Variants in RTTN observed in about 807,000 individuals in gnomAD.
RTTN encodes rotatin.
Under a neutral mutation model 269.2 loss-of-function variants are expected in RTTN, and 182 were observed. That is an observed-to-expected ratio of 0.68 (90% confidence interval 0.60 to 0.76). The LOEUF is 0.76. Among genes scored for constraint, RTTN ranks in the 30% least tolerant of loss-of-function variants. The pLI is 0.00. For synonymous variants in RTTN, 1,006 were observed against 963.5 expected (o/e 1.04, Z -0.82); for missense variants, 2,545 against 2,608.6 (o/e 0.98, Z 0.53).
chr18:70,035,304 T>C (rs1295475192), intron 40 of RTTN, among the ~76,000 whole-genome samples: 6 of 152,184 alleles, frequency 3.9e-5, no homozygotes, highest in Non-Finnish European at 7.3e-5. Flanking sequence ...GCTACTTGAC[T>C]TCAAACTATA....
At chr18:70,079,722 T>C (rs1052396682) in intron 32 of RTTN, among the ~76,000 whole-genome samples, 2 of 152,092 alleles carry the variant, frequency 1.3e-5, no homozygotes, top group African/African-American at 4.8e-5. Context: ...CAGAATGCCA[T>C]TACAAATACA....
At chr18:70,033,061 A>AT (rs1177077559) in intron 40 of RTTN, among the ~76,000 whole-genome samples, 1 of 152,228 alleles carries the variant, frequency 6.6e-6, no homozygotes, top group Non-Finnish European at 1.5e-5. Context: ...TAGATCCTTC[A>AT]TGAATGGTTT....
At chr18:70,035,426 C>T (rs1599201847) in intron 40 of RTTN, among the ~76,000 whole-genome samples, 1 of 152,104 alleles carries the variant, frequency 6.6e-6, no homozygotes, top group African/African-American at 2.4e-5. Context: ...AACCATCTGA[C>T]CTTAGACAAA....
intron 1 of RTTN, 105 bp from the exon 2 acceptor site, chr18:70,205,420 T>C: frequency 6.7e-7 from 1 of 1,488,214 alleles, no homozygotes; most frequent in Non-Finnish European, 9.2e-7. Context: ...ACCAGTTTTT[T>C]TCAGAAGCAG....
rs1005000978 is a variant in RTTN at position 70,166,281 on chromosome 18, C to T, written c.1803-93G>A. ...ATACTGGAAGGGATTTCTTCCTACT[C>T]CAACTCCTCAAACTGAGATCTTATT... On this transcript the variant is annotated intron_variant, in intron 13 of 48. Coordinates refer to ENST00000640769, the MANE Select transcript of RTTN (RefSeq NM_173630.4). The T allele has an allele frequency of 9.0e-6, 11 of 1,220,962 alleles. No individual in the cohort carries two copies. In the South Asian group the frequency reaches 1.1e-4, roughly 12 times the overall value. The allele number at this position is 1,220,962 out of a possible 1,614,324, so 75.6% of individuals were successfully genotyped here. A position where few individuals can be genotyped will look rare whatever the true frequency, so the allele number is the denominator to read the frequency against.
intron 30 of RTTN, among the ~76,000 whole-genome samples, chr18:70,088,694 C>T (rs1194242644): frequency 6.6e-6 from 1 of 152,124 alleles, no homozygotes; most frequent in Non-Finnish European, 1.5e-5. Context: ...TCAAGCCACA[C>T]GTTTTGGTAA....
Position 70,139,612 on chromosome 18 carries a change from G to A in RTTN, c.2775C>T (p.Thr925=), listed in dbSNP as rs772730599. Residue 925 remains threonine, a synonymous_variant, in exon 21 of 49, where the codon ACC becomes ACT. Transcript: ENST00000640769. ...VSLSQQSSLL[T]VLFRVSLIFH... is the part of the protein sequence containing the mutation. ...TCTTTTATTTACCTCTGAATAACAC[G>A]GTCAAAAGAGAAGACTGTTGCGAGA... The A allele has an allele frequency of 8.1e-6, 13 of 1,603,942 alleles. No homozygotes were observed. Among genetic ancestry groups the A allele is most frequent in the East Asian group, 2.2e-5 (1 of 44,780 alleles).
intron 26 of RTTN, among the ~76,000 whole-genome samples, chr18:70,121,198 C>T (rs2059728968): frequency 6.6e-6 from 1 of 152,164 alleles, no homozygotes; most frequent in Admixed American, 6.5e-5. Flanking sequence ...TATACCCCCT[C>T]CTGCCTCCAT....
At chr18:70,023,780 TTTTTC>T (rs887808756) in intron 44 of RTTN, among the ~76,000 whole-genome samples, 12 of 152,196 alleles carry the variant, frequency 7.9e-5, no homozygotes, top group East Asian at 3.9e-4. Context: ...CCCAGGGCAA[TTTTTC>T]TTTTCTTTTC....
chr18:70,040,376 G>T (rs2144709892), intron 40 of RTTN, among the ~76,000 whole-genome samples: 1 of 152,180 alleles, frequency 6.6e-6, no homozygotes, highest in East Asian at 1.9e-4. Flanking sequence ...GACAGACAAA[G>T]AAGATCATTA....
chr18:70,192,133 G>T (rs543609449), intron 8 of RTTN, among the ~76,000 whole-genome samples: 2 of 152,228 alleles, frequency 1.3e-5, no homozygotes, highest in African/African-American at 4.8e-5. Context: ...AACTAAAGGA[G>T]ACAAAGTATG....
At chr18:70,107,890 T>C (rs976312010) in intron 28 of RTTN, among the ~76,000 whole-genome samples, 5 of 152,324 alleles carry the variant, frequency 3.3e-5, no homozygotes, top group East Asian at 1.9e-4. Flanking sequence ...TTTTAAAAAT[T>C]AGATAAAAAG....
chr18:70,112,565 AAAG>A (rs1469648098), intron 27 of RTTN, among the ~76,000 whole-genome samples: 27 of 152,140 alleles, frequency 1.8e-4, no homozygotes, highest in Admixed American at 1.4e-3. Context: ...CAAAAGAGAA[AAAG>A]AAGGGCACTA....
At chr18:70,075,925 G>A (rs760991506) in intron 32 of RTTN, among the ~76,000 whole-genome samples, 6 of 151,882 alleles carry the variant, frequency 4.0e-5, no homozygotes, top group Non-Finnish European at 8.8e-5. Flanking sequence ...GAAATAAGGT[G>A]GTCCATATAT....
intron 40 of RTTN, among the ~76,000 whole-genome samples, chr18:70,044,524 C>A (rs1269623895): frequency 2.0e-5 from 3 of 152,100 alleles, no homozygotes; most frequent in Non-Finnish European, 4.4e-5. Context: ...ATGAATAGTA[C>A]CCAACTCCAT....
intron 21 of RTTN, 55 bp downstream of exon 21, chr18:70,139,544 G>A: frequency 9.0e-7 from 1 of 1,112,404 alleles, no homozygotes; most frequent in Non-Finnish European, 1.3e-6. Context: ...AATTAAAGAA[G>A]AAACACTTAA....
chr18:70,152,720 C>T (rs756981045), intron 14 of RTTN, among the ~76,000 whole-genome samples: 3 of 152,080 alleles, frequency 2.0e-5, no homozygotes, highest in Non-Finnish European at 4.4e-5. Flanking sequence ...ATTAGCTCCA[C>T]GTCCGTAATA....
intron 18 of RTTN, among the ~76,000 whole-genome samples, chr18:70,144,619 A>C (rs2060342202): frequency 6.6e-6 from 1 of 152,198 alleles, no homozygotes; most frequent in Non-Finnish European, 1.5e-5. Context: ...TCCTCCATAC[A>C]TCAGGGCACA....
chr18:70,024,816 G>C lies in RTTN; in HGVS notation c.5856C>G (p.Val1952=). The stretch of plus-strand genomic sequence containing the variant: ...AAATCCAAGGCCAGAGAGAGTGCAA[G>C]ACAGGGACAAGGTGAGCTTCAAGAG... The part of the protein sequence containing the change: ...EAALEAHLVP[V]LHSLWPWILM... Residue 1952 remains valine, a synonymous_variant, in exon 44 of 49, where the codon GTC becomes GTG. Coordinates refer to ENST00000640769, the MANE Select transcript of RTTN (RefSeq NM_173630.4). 6.2e-7 allele frequency: 1 copy of C among 1,613,982 alleles called. No individual in the cohort carries two copies. Among genetic ancestry groups the C allele is most frequent in the Non-Finnish European group, 8.5e-7 (1 of 1,179,890 alleles).
Sources: allele counts gnomAD v4.1 joint callset (sites outside exome capture counted in the v4.1 genomes callset), GRCh38; gene constraint gnomAD v4.1.1; transcripts MANE v1.5; gene names NCBI Gene and HGNC (gene_info 2026-07-23, HGNC 2026-07-21).